Variants in R3HDML observed in about 807,000 individuals in gnomAD.
R3HDML encodes R3H domain containing like.
In R3HDML, 21 loss-of-function variants were observed where a neutral mutation model predicts 24.2. That is an observed-to-expected ratio of 0.87 (90% CI 0.62 to 1.25). The LOEUF is 1.25. Ranked by LOEUF, R3HDML falls within the 50% of genes most tolerant of loss-of-function variation. The pLI is 0.00. For synonymous variants in R3HDML, 133 were observed against 131.5 expected, an observed-to-expected ratio of 1.01 and a Z score of -0.08; for missense variants, 301 against 340.3, an observed-to-expected ratio of 0.88 and a Z score of 0.91.
At position 44,341,305 on chromosome 20, in the gene R3HDML, A is replaced by G. The variant is rs945170596; in HGVS notation, c.371A>G (p.His124Arg). ...MRYVGQNLSIHSGQYRSVVDL... is the reference protein window; with the variant it reads ...MRYVGQNLSIRSGQYRSVVDL... ...TACGTGGGCCAGAACCTCTCCATCC[A>G]TTCTGGCCAGTGAGTGACCCTCTGC... Residue 124 changes from histidine (H) to arginine (R), a missense_variant, in exon 2 of 5, where the codon CAT (histidine) becomes CGT (arginine). Coordinates refer to ENST00000217043, the MANE Select transcript of R3HDML (RefSeq NM_178491.4). The G allele has an allele frequency of 6.2e-7, 1 of 1,611,548 alleles. No homozygotes were observed. The highest frequency in any genetic ancestry group is 1.3e-5 in the African/African-American group (1 of 74,996).
In R3HDML at chr20:44,337,729, A is replaced by C. The variant is rs1028609730; in HGVS notation, c.261+311A>C. Among the ~76,000 whole-genome samples, 1 of 138,736 alleles carries C rather than the reference A, an allele frequency of 7.2e-6. No individual in the cohort carries two copies. The highest frequency in any genetic ancestry group is 7.7e-5 in the Admixed American group (1 of 12,992). The allele number at this position is 138,736 out of a possible 152,430, so 91.0% of individuals were successfully genotyped here. ...CCATTTTCCAGAGGAAGAAACTGAGACTCAGAGAATTAATTTGCCCAGCCA... is the reference window on the plus strand; with the variant it reads ...CCATTTTCCAGAGGAAGAAACTGAGCCTCAGAGAATTAATTTGCCCAGCCA... On this transcript the variant is annotated intron_variant, in intron 1 of 4. Transcript: ENST00000217043. This position sits in a 1 kb window ranked among gnomAD's most constrained non-coding sequence, Gnocchi z 4.7.
chr20:44,339,579 ATGTGTGTGTG>A (rs140076477), intron 1 of R3HDML, among the ~76,000 whole-genome samples: 2 of 147,914 alleles, frequency 1.4e-5, no homozygotes, highest in Non-Finnish European at 3.0e-5. Context: ...GCCTATATAT[ATGTGTGTGTG>A]TGTGTGTGTG....
At position 44,347,233 on chromosome 20, in the gene R3HDML, G is replaced by A. The variant is rs145488763; in HGVS notation, c.629+1855G>A. Among the ~76,000 whole-genome samples the A allele has an allele frequency of 1.8e-4, 22 of 120,820 alleles. 1 individual carries two copies. The highest frequency in any genetic ancestry group is 4.1e-4 in the African/African-American group (15 of 36,710). The allele number at this position is 120,820 out of a possible 152,430, so 79.3% of individuals were successfully genotyped here. The stretch of plus-strand genomic sequence containing the variant: ...TTTTTTCTTTTTTCTTTTTTTTTTG[G>A]GGGGGGACGAGGTCTTGCTCTGTCG... On this transcript the variant is annotated intron_variant, in intron 4 of 4. Transcript: ENST00000217043.
At chr20:44,348,362 G>A (rs2146114717) in intron 4 of R3HDML, among the ~76,000 whole-genome samples, 2 of 152,270 alleles carry the variant, frequency 1.3e-5, no homozygotes, top group South Asian at 4.1e-4. Flanking sequence ...CATCTACTAA[G>A]CATTTGAATA....
chr20:44,351,011 T>C lies in R3HDML; in HGVS notation c.*219T>C. On this transcript the variant is annotated 3_prime_UTR_variant, in exon 5 of 5. Transcript: ENST00000217043. ...CTTTCCTAGTTGCATCTTTCTTTTCTTGGGCCTCTGGGAAAGAGCCCTGCA... is the reference window on the plus strand; with the variant it reads ...CTTTCCTAGTTGCATCTTTCTTTTCCTGGGCCTCTGGGAAAGAGCCCTGCA... The C allele has an allele frequency of 2.0e-6, 1 of 506,552 alleles. No individual in the cohort carries two copies. The highest frequency in any genetic ancestry group is 2.6e-5 in the South Asian group (1 of 38,676). The allele number at this position is 506,552 out of a possible 1,614,324, so 31.4% of individuals were successfully genotyped here.
intron 4 of R3HDML, among the ~76,000 whole-genome samples, chr20:44,348,814 C>T (rs1041187856): frequency 6.6e-6 from 1 of 151,974 alleles, no homozygotes; most frequent in Non-Finnish European, 1.5e-5. Flanking sequence ...AAGCCCAGCC[C>T]CTTTAAGGTA....
At chr20:44,339,662 G>C (rs1195706618) in intron 1 of R3HDML, among the ~76,000 whole-genome samples, 1 of 151,816 alleles carries the variant, frequency 6.6e-6, no homozygotes, top group Non-Finnish European at 1.5e-5. Context: ...ATATATACCT[G>C]TATACAGAGG....
At position 44,345,381 on chromosome 20, in the gene R3HDML, A is replaced by G. The variant is rs1163053966; in HGVS notation, c.629+3A>G. 2 of 1,609,778 alleles carry G rather than the reference A, an allele frequency of 1.2e-6. No individual in the cohort carries two copies. The highest frequency in any genetic ancestry group is 2.2e-5 in the South Asian group (2 of 90,520). ...CTGGTCTGCAACTATGCCATTAAGT[A>G]AGTGCCTGCACCAAGGCAAAGAGGG... On this transcript the variant is annotated splice_donor_region_variant and intron_variant, in intron 4 of 4. Coordinates refer to ENST00000217043, the MANE Select transcript of R3HDML (RefSeq NM_178491.4).
chr20:44,344,867 AATTG>A (rs1285068502), intron 3 of R3HDML: 2 of 185,316 alleles, frequency 1.1e-5, no homozygotes, highest in East Asian at 1.7e-4. Flanking sequence ...GAGTTCTCTC[AATTG>A]ATTGTTTACA....
chr20:44,337,883 T>C lies in R3HDML; in HGVS notation c.261+465T>C, dbSNP rs775627129. Among the ~76,000 whole-genome samples the C allele has an allele frequency of 5.3e-5, 8 of 152,192 alleles. No homozygotes were observed. The highest frequency in any genetic ancestry group is 1.2e-4 in the African/African-American group (5 of 41,452). ...TGGGGTGCGTGGCTGGTGCTTTCTA[T>C]GCTATTGTCTCTTTACCCTAAGGTC... On this transcript the variant is annotated intron_variant, in intron 1 of 4. Transcript: ENST00000217043. This position sits in a 1 kb window ranked among gnomAD's most constrained non-coding sequence, Gnocchi z 4.7.
intron 4 of R3HDML, among the ~76,000 whole-genome samples, chr20:44,346,284 G>A (rs543142189): frequency 1.1e-3 from 170 of 151,904 alleles, no homozygotes; most frequent in African/African-American, 3.9e-3. Context: ...ACCATGCCTC[G>A]CTAATTTTTT....
At chr20:44,342,612 G>T (rs566466868) in intron 2 of R3HDML, among the ~76,000 whole-genome samples, 10 of 152,270 alleles carry the variant, frequency 6.6e-5, no homozygotes, top group Admixed American at 5.2e-4. Context: ...AGTCATTTAT[G>T]TATATTTTTA....
chr20:44,340,094 A>G (rs1406733148), intron 1 of R3HDML, among the ~76,000 whole-genome samples: 1 of 151,792 alleles, frequency 6.6e-6, no homozygotes, highest in African/African-American at 2.4e-5. Flanking sequence ...AGCTGGGATT[A>G]TAGGTGCCCG....
chr20:44,349,616 T>A (rs749210560), intron 4 of R3HDML, among the ~76,000 whole-genome samples: 2 of 152,182 alleles, frequency 1.3e-5, no homozygotes, highest in Non-Finnish European at 2.9e-5. Context: ...ACAATCACGT[T>A]TGGAGAAAAA....
At chr20:44,350,480 G>T in intron 4 of R3HDML, 180 bp from the exon 5 acceptor site, 2 of 501,170 alleles carry the variant, frequency 4.0e-6, no homozygotes, top group Non-Finnish European at 3.2e-6. Context: ...ATGGGTGACA[G>T]AGCAAAACAA....
chr20:44,338,941 G>A (rs944486544), intron 1 of R3HDML, among the ~76,000 whole-genome samples: 1 of 151,802 alleles, frequency 6.6e-6, no homozygotes, highest in African/African-American at 2.4e-5. Flanking sequence ...GTGTGGTGAT[G>A]AGCGCCTGTA....
rs777548367 is a variant in R3HDML, at chr20:44,345,331, C to A, written c.582C>A (p.Gly194=). The change falls in exon 4 of 5, where the codon GGC becomes GGA. Residue 194 remains glycine, a synonymous_variant. Coordinates refer to ENST00000217043, the MANE Select transcript of R3HDML (RefSeq NM_178491.4). ...CCTGTAGTAGCATCAGTGTCTGGGG[C>A]AACACCTGGCATCGGGCGGCATACC... is the stretch of plus-strand genomic sequence containing the variant. The part of the protein sequence containing the change: ...IHTCSSISVW[G]NTWHRAAYLV... 1 of 1,614,088 alleles carries A rather than the reference C, an allele frequency of 6.2e-7. No individual in the cohort carries two copies. Among genetic ancestry groups the A allele is most frequent in the Non-Finnish European group, 8.5e-7 (1 of 1,179,978 alleles).
At chr20:44,345,113 T>C in intron 3 of R3HDML, 150 bp from the exon 4 acceptor site, 1 of 664,042 alleles carries the variant, frequency 1.5e-6, no homozygotes, top group South Asian at 1.8e-5. Flanking sequence ...CATGTTACAA[T>C]ATAAATGCCT....
chr20:44,345,929 C>G (rs1000461972), intron 4 of R3HDML, among the ~76,000 whole-genome samples: 1 of 152,102 alleles, frequency 6.6e-6, no homozygotes, highest in African/African-American at 2.4e-5. Context: ...AAGCAATTTT[C>G]CTGCCTCAGC....
Sources: allele counts gnomAD v4.1 joint callset (sites outside exome capture counted in the v4.1 genomes callset), GRCh38; gene constraint gnomAD v4.1.1; non-coding constraint Gnocchi (gnomAD v3.1); transcripts MANE v1.5; gene names NCBI Gene and HGNC (gene_info 2026-07-23, HGNC 2026-07-21).